The following NTNG2 variants were observed in gnomAD, a reference collection of about 807,000 sequenced individuals.
NTNG2 encodes the protein netrin-G2.
A neutral mutation model predicts 47.6 loss-of-function variants in NTNG2; 15 were observed. The observed-to-expected ratio is 0.32, with a 90% confidence interval of 0.21 to 0.49. NTNG2 has a LOEUF of 0.49. NTNG2 is among the 20% of genes least tolerant of loss of function. NTNG2 has a pLI of 0.99. For missense variants in NTNG2, 578 were observed against 764.6 expected, an observed-to-expected ratio of 0.76 and a Z score of 2.88; for synonymous variants, 307 against 324.6, an observed-to-expected ratio of 0.95 and a Z score of 0.58.
chr9:132,170,250 C>T (rs1178154136), intron 2 of NTNG2, among the ~76,000 whole-genome samples: 2 of 152,204 alleles, frequency 1.3e-5, no homozygotes, highest in African/African-American at 2.4e-5. Flanking sequence ...AAATTCCAGC[C>T]TTGCAAGGAA....
At chr9:132,229,925 A>G (rs753415208) in intron 4 of NTNG2, among the ~76,000 whole-genome samples, 40 of 152,162 alleles carry the variant, frequency 2.6e-4, no homozygotes, top group Non-Finnish European at 4.7e-4. Flanking sequence ...CATCCCCTGG[A>G]CACACAGAGA....
chr9:132,241,841 C>A, intron 7 of NTNG2, 35 bp from the exon 8 acceptor site: 1 of 1,454,782 alleles, frequency 6.9e-7, no homozygotes. Flanking sequence ...GGGGACCGGG[C>A]CACCCCCCGT....
chr9:132,197,393 A>T lies in NTNG2; in HGVS notation c.214-573A>T, dbSNP rs1279957236. Among the ~76,000 whole-genome samples the T allele has an allele frequency of 6.6e-6, 1 of 152,198 alleles. No individual in the cohort carries two copies. Among genetic ancestry groups the T allele is most frequent in the Non-Finnish European group, 1.5e-5 (1 of 68,040 alleles). On this transcript the variant is annotated intron_variant, in intron 2 of 7. Transcript: ENST00000393229. The surrounding 1 kb of genome is among the most constrained non-coding windows in gnomAD (Gnocchi z 4.3). ...AACATAGCAAGACTCCATCTCAATA[A>T]AAAAATAAAATTAAAATTAAAAAAT...
rs571896764 is a variant in NTNG2, at chr9:132,241,810, C to A, written c.1358-66C>A. The A allele has an allele frequency of 1.8e-5, 22 of 1,255,296 alleles. No individual in the cohort carries two copies. In the East Asian group the frequency reaches 6.4e-4, roughly 36 times the overall value. The allele number at this position is 1,255,296 out of a possible 1,614,324, so 77.8% of individuals were successfully genotyped here. Reference sequence around the variant, plus strand: ...CCGGGATCTCGCACACCCTGCTTCGCAGGAGCTCGGAGGTTGGCGGGGGGA... The same window carrying A: ...CCGGGATCTCGCACACCCTGCTTCGAAGGAGCTCGGAGGTTGGCGGGGGGA... On this transcript the variant is annotated intron_variant, in intron 7 of 7. Coordinates refer to ENST00000393229, the MANE Select transcript of NTNG2 (RefSeq NM_032536.4).
chr9:132,164,262 A>G (rs1289433668), intron 1 of NTNG2, among the ~76,000 whole-genome samples: 1 of 152,206 alleles, frequency 6.6e-6, no homozygotes, highest in Non-Finnish European at 1.5e-5. Context: ...CATTTAAACC[A>G]ACAGGACTGC....
chr9:132,213,389 C>T (rs1839748730), intron 3 of NTNG2, among the ~76,000 whole-genome samples: 1 of 151,070 alleles, frequency 6.6e-6, no homozygotes, highest in Non-Finnish European at 1.5e-5. Context: ...TTCCATTAGC[C>T]ATCACCAACC....
chr9:132,223,424 C>T (rs992751902), intron 3 of NTNG2, among the ~76,000 whole-genome samples: 16 of 152,138 alleles, frequency 1.1e-4, no homozygotes, highest in Admixed American at 1.3e-4. Context: ...TGAGGGAGGC[C>T]GGATGCGAGG....
intron 2 of NTNG2, among the ~76,000 whole-genome samples, chr9:132,168,015 C>T (rs1212746066): frequency 2.0e-5 from 3 of 152,172 alleles, no homozygotes; most frequent in Non-Finnish European, 4.4e-5. Context: ...GTTTAATTAA[C>T]GTAGGTAAAG....
At chr9:132,232,177 G>T in intron 5 of NTNG2, 1 of 152,544 alleles carries the variant, frequency 6.6e-6, no homozygotes, top group Non-Finnish European at 1.5e-5. Flanking sequence ...TCTCCCAATG[G>T]TGCTTCTGCC....
chr9:132,201,808 A>G (rs1264275128), intron 3 of NTNG2, among the ~76,000 whole-genome samples: 1 of 152,216 alleles, frequency 6.6e-6, no homozygotes, highest in Non-Finnish European at 1.5e-5. Context: ...TGGTTATTGA[A>G]TGGCTCAGAT....
chr9:132,240,883 C>T (rs1486877288), intron 6 of NTNG2, 27 bp from the exon 7 acceptor site: 3 of 1,612,420 alleles, frequency 1.9e-6, no homozygotes, highest in Admixed American at 1.7e-5. Context: ...TAGCCCTGAC[C>T]GCGCGCCCGT....
chr9:132,164,917 C>T (rs547279421), intron 1 of NTNG2, among the ~76,000 whole-genome samples: 3 of 152,288 alleles, frequency 2.0e-5, no homozygotes, highest in South Asian at 2.1e-4. Context: ...TCCGCCACTT[C>T]GGTTTGTCAT....
intron 3 of NTNG2, among the ~76,000 whole-genome samples, chr9:132,207,386 G>A (rs773533551): frequency 1.3e-5 from 2 of 152,142 alleles, no homozygotes; most frequent in South Asian, 2.1e-4. Context: ...TGGTGGGGCC[G>A]GCAGCCTCTG....
chr9:132,164,536 C>T (rs931272317), intron 1 of NTNG2, among the ~76,000 whole-genome samples: 3 of 152,254 alleles, frequency 2.0e-5, no homozygotes, highest in African/African-American at 7.2e-5. Flanking sequence ...TAGGAACGTG[C>T]TGTGCTCTGG....
intron 3 of NTNG2, among the ~76,000 whole-genome samples, chr9:132,216,428 A>C (rs3929787): frequency 0.076 from 6,592 of 87,124 alleles, 267 homozygotes; most frequent in South Asian, 0.13. Context: ...GTGTGTGTGT[A>C]TGTGTGTGTG....
intron 3 of NTNG2, among the ~76,000 whole-genome samples, chr9:132,206,121 G>T (rs1309315698): frequency 6.6e-6 from 1 of 152,066 alleles, no homozygotes; most frequent in Non-Finnish European, 1.5e-5. Flanking sequence ...CAACTGTCAG[G>T]GATACAGAGA....
Position 132,231,775 on chromosome 9 carries a change from C to T in NTNG2, c.1054+1180C>T. 1 of 172,520 alleles carries T rather than the reference C, an allele frequency of 5.8e-6. No individual in the cohort carries two copies. The highest frequency in any genetic ancestry group is 1.3e-5 in the Non-Finnish European group (1 of 78,956). The allele number at this position is 172,520 out of a possible 1,614,324, so 10.7% of individuals were successfully genotyped here. A position where few individuals can be genotyped will look rare whatever the true frequency, so the allele number is the denominator to read the frequency against. ...GCCTGGGCCCCCATGGCGCCCAGCACCCCACAGCCCACAGGTGGGTGCCAG... is the reference window on the plus strand; with the variant it reads ...GCCTGGGCCCCCATGGCGCCCAGCATCCCACAGCCCACAGGTGGGTGCCAG... On this transcript the variant is annotated intron_variant, in intron 5 of 7. Transcript: ENST00000393229. This position sits in a 1 kb window ranked among gnomAD's most constrained non-coding sequence, Gnocchi z 4.1.
At chr9:132,239,651 C>G (rs1197834049) in intron 6 of NTNG2, among the ~76,000 whole-genome samples, 1 of 152,208 alleles carries the variant, frequency 6.6e-6, no homozygotes, top group Non-Finnish European at 1.5e-5. Context: ...GGGGGGGTCC[C>G]CCTCCATAGC....
At chr9:132,211,008 C>G (rs961089291) in intron 3 of NTNG2, among the ~76,000 whole-genome samples, 2 of 152,218 alleles carry the variant, frequency 1.3e-5, no homozygotes, top group African/African-American at 4.8e-5. Flanking sequence ...AGCACCCAGT[C>G]ATAGACACAT....
Sources: allele counts gnomAD v4.1 joint callset (sites outside exome capture counted in the v4.1 genomes callset), GRCh38; gene constraint gnomAD v4.1.1; non-coding constraint Gnocchi (gnomAD v3.1); transcripts MANE v1.5; gene names NCBI Gene and HGNC (gene_info 2026-07-23, HGNC 2026-07-21).